FARP2: variants seen among roughly 807,000 people sequenced by gnomAD.
The protein encoded by FARP2 is FERM, ARH/RhoGEF and pleckstrin domain protein 2, also known as FERM, ARHGEF and pleckstrin domain-containing protein 2.
FARP2 carries 111 observed loss-of-function variants against 130.5 expected under a neutral mutation model. That is an observed-to-expected ratio of 0.85 (90% CI 0.73 to 1.00). The LOEUF is 1.00. FARP2 is among the 50% of genes least tolerant of loss of function. FARP2 has a pLI of 0.00. For missense variants in FARP2, 1,385 were observed against 1,346.3 expected, an observed-to-expected ratio of 1.03 and a Z score of -0.45; for synonymous variants, 504 against 516.9, an observed-to-expected ratio of 0.98 and a Z score of 0.34.
rs757810529 is a variant in FARP2 at position 241,468,225 on chromosome 2, T to C, written c.1979T>C (p.Val660Ala). The change falls in exon 18 of 27, where the codon GTG becomes GCG. Residue 660 changes from valine (V) to alanine (A), a missense_variant. Val to Ala is a moderately conservative substitution (Grantham distance 64). Transcript: ENST00000264042. ...ATKRCKKLEAVYKEFELQKVC... is the reference protein window; with the variant it reads ...ATKRCKKLEAAYKEFELQKVC... ...AAACGCTGTAAGAAGTTGGAGGCAG[T>C]GTACAAGGAGTTTGAGCTGCAGAAG... 3 of 1,614,114 alleles carry C rather than the reference T, an allele frequency of 1.9e-6. No homozygotes were observed. The highest frequency in any genetic ancestry group is 2.2e-5 in the East Asian group (1 of 44,886).
intron 2 of FARP2, among the ~76,000 whole-genome samples, chr2:241,393,679 C>G (rs2061962650): frequency 6.6e-6 from 1 of 152,062 alleles, no homozygotes; most frequent in African/African-American, 2.4e-5. Flanking sequence ...AGTTAAAGGA[C>G]AAAAGCTGTT....
chr2:241,491,278 CCA>C, intron 23 of FARP2, 99 bp downstream of exon 23: 1 of 933,682 alleles, frequency 1.1e-6, no homozygotes, highest in Non-Finnish European at 1.7e-6. Context: ...CGCTAAGTTC[CCA>C]CACAATCCCC....
intron 13 of FARP2, among the ~76,000 whole-genome samples, chr2:241,455,657 C>A (rs1462235818): frequency 6.6e-6 from 1 of 151,776 alleles, no homozygotes; most frequent in Non-Finnish European, 1.5e-5. Context: ...GCTGGGATTA[C>A]AGGTATGAGC....
At chr2:241,359,346 C>T (rs376431822) in intron 1 of FARP2, among the ~76,000 whole-genome samples, 3 of 152,178 alleles carry the variant, frequency 2.0e-5, no homozygotes, top group African/African-American at 7.2e-5. Context: ...TCCCCTTCCC[C>T]GCCCATCCTC....
intron 2 of FARP2, among the ~76,000 whole-genome samples, chr2:241,383,048 T>C: frequency 6.6e-6 from 1 of 152,150 alleles, no homozygotes; most frequent in African/African-American, 2.4e-5. Flanking sequence ...AAGGAAAGGA[T>C]AGAAAAATTA....
At position 241,400,212 on chromosome 2, in the gene FARP2, C is replaced by T. The variant is rs1224802992; in HGVS notation, c.184-3616C>T. Among the ~76,000 whole-genome samples the T allele has an allele frequency of 2.1e-5, 3 of 141,200 alleles. No homozygotes were observed. In the East Asian group the frequency reaches 6.6e-4, roughly 31 times the overall value. The allele number at this position is 141,200 out of a possible 152,430, so 92.6% of individuals were successfully genotyped here. A position where few individuals can be genotyped will look rare whatever the true frequency, so the allele number is the denominator to read the frequency against. On this transcript the variant is annotated intron_variant, in intron 2 of 26. Coordinates refer to ENST00000264042, the MANE Select transcript of FARP2 (RefSeq NM_014808.4). ...TGACCTCCCCATTGACTCACAGGGG[C>T]AGCCAGGTAGTTGAAAAAGGGTACA...
rs1457888885 is a variant in FARP2, at chr2:241,468,264, C to T, written c.2018C>T (p.Pro673Leu). The stretch of plus-strand genomic sequence containing the variant: ...GAGCTGCAGAAGGTCTGCTACTTGC[C>T]TCTCAACACGTTCCTGCTGAAGCCC... The part of the protein sequence containing the change: ...EFELQKVCYL[P>L]LNTFLLKPIQ... Residue 673 changes from proline (P) to leucine (L), a missense_variant, in exon 18 of 27, where the codon CCT becomes CTT. Pro to Leu is a moderately conservative substitution (Grantham distance 98, BLOSUM62 -3). Transcript: ENST00000264042. The T allele has an allele frequency of 1.9e-6, 3 of 1,613,790 alleles. No homozygotes were observed. Among genetic ancestry groups the T allele is most frequent in the Admixed American group, 3.3e-5 (2 of 60,034 alleles).
chr2:241,415,989 CTGTGTGTGTGTG>C (rs57774022), intron 7 of FARP2, among the ~76,000 whole-genome samples: 39 of 141,790 alleles, frequency 2.8e-4, no homozygotes, highest in South Asian at 4.8e-4. Context: ...CAGGGTAGTT[CTGTGTGTGTGTG>C]TGTGTGTGTG....
At chr2:241,402,038 CCT>C (rs2062182174) in intron 2 of FARP2, among the ~76,000 whole-genome samples, 1 of 152,164 alleles carries the variant, frequency 6.6e-6, no homozygotes, top group Non-Finnish European at 1.5e-5. Context: ...GATCCACCCA[CCT>C]CAGCCTCCCA....
chr2:241,491,224 AG>A (rs759562248), intron 23 of FARP2, 45 bp downstream of exon 23: 1 of 1,388,532 alleles, frequency 7.2e-7, no homozygotes, highest in Non-Finnish European at 1.0e-6. Flanking sequence ...ACTACACCTA[AG>A]GAGGCTTTTT....
At chr2:241,386,856 G>A (rs2061795977) in intron 2 of FARP2, 1 of 152,192 alleles carries the variant, frequency 6.6e-6, no homozygotes, top group Non-Finnish European at 1.5e-5. Flanking sequence ...TTGGGATATG[G>A]TTTCAATAAC....
In FARP2 at chr2:241,459,815, T is replaced by A. The variant is rs1559792523; in HGVS notation, c.1588-2708T>A. On this transcript the variant is annotated intron_variant, in intron 14 of 26. Transcript: ENST00000264042. The surrounding 1 kb of genome is among the most constrained non-coding windows in gnomAD (Gnocchi z 5.3). ...TTCTCACGGTATTCCTTGGGCTGAT[T>A]GGGCGGGGCGGGGCGGGGGCAGGGG... Among the ~76,000 whole-genome samples, 1 of 28,164 alleles carries A rather than the reference T, an allele frequency of 3.6e-5. No individual in the cohort carries two copies. Among genetic ancestry groups the A allele is most frequent in the East Asian group, 7.8e-4 (1 of 1,274 alleles). 18.5% of individuals were successfully genotyped at this position (28,164 alleles called of 152,430 possible).
At position 241,482,320 on chromosome 2, in the gene FARP2, G is replaced by A. The variant is rs915716272; in HGVS notation, c.2263-1145G>A. On this transcript the variant is annotated intron_variant, in intron 19 of 26. Transcript: ENST00000264042. This position sits in a 1 kb window ranked among gnomAD's most constrained non-coding sequence, Gnocchi z 4.6. ...CCCGTGGGTCTGGGACGCACATCCT[G>A]TGAGGGAGCTCTGGAGAGGGGGCTG... 6.6e-6 allele frequency among the ~76,000 whole-genome samples: 1 copy of A among 152,214 alleles called. No homozygotes were observed. Among genetic ancestry groups the A allele is most frequent in the Non-Finnish European group, 1.5e-5 (1 of 68,028 alleles).
intron 10 of FARP2, among the ~76,000 whole-genome samples, chr2:241,434,560 T>C (rs2150402015): frequency 6.6e-6 from 1 of 152,288 alleles, no homozygotes; most frequent in South Asian, 2.1e-4. Flanking sequence ...AACTTTAAAA[T>C]ATGTATGTGG....
intron 13 of FARP2, chr2:241,442,864 A>G (rs1002955271): frequency 1.2e-5 from 3 of 243,472 alleles, no homozygotes; most frequent in South Asian, 4.9e-5. Flanking sequence ...ATGTTACACA[A>G]TTCTGTTCAT....
Position 241,456,835 on chromosome 2 carries a change from A to G in FARP2, c.1500A>G (p.Pro500=). ...CTGCATTTCAGGTGCCTTTGGGCCC[A>G]GCTGAACAGGGCTCATCCCCACTCC... The part of the protein sequence containing the change: ...LSPAFQVPLG[P]AEQGSSPLLS... Residue 500 remains proline, a synonymous_variant, in exon 14 of 27, where the codon CCA becomes CCG. Transcript: ENST00000264042. 6.2e-7 allele frequency: 1 copy of G among 1,614,024 alleles called. No homozygotes were observed. Among genetic ancestry groups the G allele is most frequent in the Non-Finnish European group, 8.5e-7 (1 of 1,179,954 alleles).
At chr2:241,377,410 C>T (rs1404595015) in intron 2 of FARP2, among the ~76,000 whole-genome samples, 3 of 151,140 alleles carry the variant, frequency 2.0e-5, no homozygotes, top group Admixed American at 1.3e-4. Context: ...GGCGCAATCT[C>T]GGCTCACTGC....
chr2:241,377,293 C>A (rs1377656844), intron 2 of FARP2, among the ~76,000 whole-genome samples: 1 of 151,038 alleles, frequency 6.6e-6, no homozygotes, highest in African/African-American at 2.4e-5. Context: ...ATTTCAGGAG[C>A]CTTTTTAACA....
rs1338831492 is a variant in FARP2, at chr2:241,465,693, C to T, written c.1893+1713C>T. On this transcript the variant is annotated intron_variant, in intron 17 of 26. Coordinates refer to ENST00000264042, the MANE Select transcript of FARP2 (RefSeq NM_014808.4). ...TCTCAGGCTGCTCATGAGTTCACCA[C>T]GTGACCGCCCAAGGTGTGGAGCTCT... is the stretch of plus-strand genomic sequence containing the variant. 5.2e-6 allele frequency: 8 copies of T among 1,551,014 alleles called. No individual in the cohort carries two copies. In the East Asian group the frequency reaches 7.3e-5, roughly 14 times the overall value.
Sources: allele counts gnomAD v4.1 joint callset (sites outside exome capture counted in the v4.1 genomes callset), GRCh38; gene constraint gnomAD v4.1.1; non-coding constraint Gnocchi (gnomAD v3.1); transcripts MANE v1.5; gene names NCBI Gene and HGNC (gene_info 2026-07-23, HGNC 2026-07-21).